The following PLCB1 variants were observed in gnomAD, a reference collection of about 807,000 sequenced individuals.
The protein encoded by PLCB1 is phospholipase C beta 1.
PLCB1 carries 46 observed loss-of-function variants against 161.8 expected under a neutral mutation model. The observed-to-expected ratio is 0.28, with a 90% CI of 0.22 to 0.36. The LOEUF is 0.36. Among genes scored for constraint, PLCB1 ranks in the 10% least tolerant of loss-of-function variants. The pLI, the probability that PLCB1 is intolerant of heterozygous loss-of-function variation, is 1.00. For synonymous variants in PLCB1, 517 were observed against 503.7 expected, an observed-to-expected ratio of 1.03 and a Z score of -0.35; for missense variants, 1,016 against 1,472.5, an observed-to-expected ratio of 0.69 and a Z score of 5.07.
In PLCB1 at chr20:8,523,490, C is replaced by CCATATATATATATA. The variant is rs1206489907; in HGVS notation, c.247-104804_247-104803insCATATATATATATA. On this transcript the variant is annotated intron_variant, in intron 3 of 31. Transcript: ENST00000338037. The stretch of plus-strand genomic sequence containing the variant: ...GCTCTCTCTCTCTCTCTCTCTCTCT[C>CCATATATATATATA]TCTCTCTATATATATATATATATAT... Among the ~76,000 whole-genome samples the CCATATATATATATA allele has an allele frequency of 9.3e-3, 627 of 67,528 alleles. 95 individuals are homozygous for CCATATATATATATA. The highest frequency in any genetic ancestry group is 0.022 in the African/African-American group (341 of 15,378). 44.3% of individuals were successfully genotyped at this position (67,528 alleles called of 152,430 possible). A position where few individuals can be genotyped will look rare whatever the true frequency, so the allele number is the denominator to read the frequency against.
At chr20:8,493,844 A>G (rs1452176557) in intron 3 of PLCB1, among the ~76,000 whole-genome samples, 3 of 108,024 alleles carry the variant, frequency 2.8e-5, no homozygotes, top group Non-Finnish European at 1.9e-5. Context: ...GAGAGTCTGC[A>G]TGAGTGCTGT....
At chr20:8,170,862 T>C (rs985820177) in intron 2 of PLCB1, among the ~76,000 whole-genome samples, 4 of 152,200 alleles carry the variant, frequency 2.6e-5, no homozygotes, top group Non-Finnish European at 4.4e-5. Flanking sequence ...GCAACAGCAT[T>C]ACTTTTGCTT....
At position 8,812,964 on chromosome 20, in the gene PLCB1, A is replaced by G. The variant is rs557276826; in HGVS notation, c.3423+22703A>G. Among the ~76,000 whole-genome samples, 8 of 152,300 alleles carry G rather than the reference A, an allele frequency of 5.3e-5. No homozygotes were observed. In the South Asian group the frequency reaches 1.7e-3, roughly 32 times the overall value. ...AAGTGTTTCCGCTGTGACTTAAATT[A>G]TAGCCATTTCCCGAGCAGGCAGCCC... On this transcript the variant is annotated intron_variant, in intron 31 of 31. Coordinates refer to ENST00000338037, the MANE Select transcript of PLCB1 (RefSeq NM_015192.4).
intron 3 of PLCB1, among the ~76,000 whole-genome samples, chr20:8,589,980 A>G (rs1381979237): frequency 6.6e-6 from 1 of 152,024 alleles, no homozygotes; most frequent in East Asian, 1.9e-4. Context: ...TTATGACCTA[A>G]TCAGCTCCCC....
At chr20:8,594,244 G>GATGT (rs1260321366) in intron 3 of PLCB1, among the ~76,000 whole-genome samples, 1 of 152,100 alleles carries the variant, frequency 6.6e-6, no homozygotes, top group Non-Finnish European at 1.5e-5. Flanking sequence ...GCTTCTGTTT[G>GATGT]ATGTATTCTA....
intron 9 of PLCB1, among the ~76,000 whole-genome samples, 175 bp downstream of exon 9, chr20:8,658,879 G>T (rs1416801587): frequency 6.6e-6 from 1 of 152,066 alleles, no homozygotes; most frequent in Non-Finnish European, 1.5e-5. Flanking sequence ...TTAAACTTTG[G>T]TGTGTGATTT....
chr20:8,474,497 T>C (rs186201210), intron 3 of PLCB1, among the ~76,000 whole-genome samples: 138 of 152,042 alleles, frequency 9.1e-4, no homozygotes, highest in African/African-American at 3.3e-3. Context: ...AGTTTAAAGA[T>C]GAGCAAACAT....
intron 2 of PLCB1, among the ~76,000 whole-genome samples, chr20:8,181,146 G>A (rs1568581147): frequency 6.6e-6 from 1 of 151,470 alleles, no homozygotes; most frequent in Non-Finnish European, 1.5e-5. Context: ...CTACTCGGGA[G>A]GCTGAGGCAG....
At chr20:8,651,186 C>A (rs1989311488) in intron 7 of PLCB1, among the ~76,000 whole-genome samples, 1 of 152,100 alleles carries the variant, frequency 6.6e-6, no homozygotes, top group Non-Finnish European at 1.5e-5. Context: ...TAGGAAGAAC[C>A]TTTGAGCCCC....
Position 8,344,627 on chromosome 20 carries a change from A to T in PLCB1, c.178-26755A>T, listed in dbSNP as rs527754776. Among the ~76,000 whole-genome samples the T allele has an allele frequency of 2.0e-5, 3 of 152,098 alleles. No individual in the cohort carries two copies. The East Asian group carries it at 5.8e-4, about 29-fold the overall frequency. ...ACCTGCTCCAGCGATTCCCTGAAAA[A>T]GTCACGTCCCCTGTAGTATATCTGC... On this transcript the variant is annotated intron_variant, in intron 2 of 31. Coordinates refer to ENST00000338037, the MANE Select transcript of PLCB1 (RefSeq NM_015192.4).
chr20:8,244,673 C>T (rs1206214694), intron 2 of PLCB1, among the ~76,000 whole-genome samples: 1 of 151,718 alleles, frequency 6.6e-6, no homozygotes, highest in African/African-American at 2.4e-5. Context: ...AACACTCATC[C>T]CACTGTGCAC....
At chr20:8,759,895 C>CTTTTTTTTTTT (rs1981928257) in intron 24 of PLCB1, among the ~76,000 whole-genome samples, 1 of 44,520 alleles carries the variant, frequency 2.2e-5, no homozygotes, top group African/African-American at 8.2e-5. Flanking sequence ...TATAATATCA[C>CTTTTTTTTTTT]ATTTTTTTTT....
chr20:8,243,100 T>C (rs1980704351), intron 2 of PLCB1, among the ~76,000 whole-genome samples: 1 of 152,084 alleles, frequency 6.6e-6, no homozygotes, highest in African/African-American at 2.4e-5. Flanking sequence ...TAGGTCATAT[T>C]ATCAGGTGGT....
chr20:8,149,412 G>T (rs954918034), intron 1 of PLCB1, among the ~76,000 whole-genome samples: 3 of 152,058 alleles, frequency 2.0e-5, no homozygotes, highest in Admixed American at 1.3e-4. Flanking sequence ...CCATTAGGAA[G>T]AAAAAAGTCC....
intron 9 of PLCB1, among the ~76,000 whole-genome samples, chr20:8,677,111 C>T (rs12053583): frequency 0.051 from 7,825 of 152,152 alleles, 263 homozygotes; most frequent in East Asian, 0.13. Context: ...GTTTAAAATC[C>T]GGTCAGGCAT....
rs1046095491 is a variant in PLCB1 at position 8,518,789 on chromosome 20, C to T, written c.247-109505C>T. Among the ~76,000 whole-genome samples the T allele has an allele frequency of 6.6e-5, 10 of 152,098 alleles. 1 individual carries two copies. On this transcript the variant is annotated intron_variant, in intron 3 of 31. Transcript: ENST00000338037. ...AGTCTATAATGAAATACTTATACAACTCACCATAATGTAGAATCAATGGGA... is the reference window on the plus strand; with the variant it reads ...AGTCTATAATGAAATACTTATACAATTCACCATAATGTAGAATCAATGGGA...
chr20:8,873,210 A>G (rs1987666951), intron 31 of PLCB1, among the ~76,000 whole-genome samples: 2 of 152,096 alleles, frequency 1.3e-5, no homozygotes, highest in Admixed American at 1.3e-4. Flanking sequence ...CAGTCTATAA[A>G]TTTCTTATGA....
At chr20:8,324,739 C>T (rs189588286) in intron 2 of PLCB1, among the ~76,000 whole-genome samples, 2 of 152,242 alleles carry the variant, frequency 1.3e-5, no homozygotes, top group East Asian at 3.9e-4. Flanking sequence ...CATTGGCTTT[C>T]AGTGTTATTT....
chr20:8,626,191 A>G (rs6140657), intron 3 of PLCB1, among the ~76,000 whole-genome samples: 5,060 of 151,024 alleles, frequency 0.034, 175 homozygotes, highest in East Asian at 0.16. Context: ...AAAAAAAAAA[A>G]AAAAGAAAAG....
Sources: allele counts gnomAD v4.1 joint callset (sites outside exome capture counted in the v4.1 genomes callset), GRCh38; gene constraint gnomAD v4.1.1; transcripts MANE v1.5; gene names NCBI Gene and HGNC (gene_info 2026-07-23, HGNC 2026-07-21).